Variants in VWA3A observed in about 807,000 individuals in gnomAD.
VWA3A encodes the protein von Willebrand factor A domain containing 3A.
VWA3A carries 134 observed loss-of-function variants against 160.4 expected under a neutral mutation model. The ratio of observed to expected loss-of-function variants is 0.84; its 90% CI spans 0.73 to 0.96. The LOEUF is 0.96. VWA3A is among the 40% of genes least tolerant of loss of function. The pLI is 0.00. For synonymous variants in VWA3A, 476 were observed against 543.4 expected (o/e 0.88, Z 1.72); for missense variants, 1,310 against 1,447.9 (o/e 0.90, Z 1.55).
At chr16:22,152,764 GATTAC>G in intron 31 of VWA3A, 130 bp downstream of exon 31, 1 of 1,385,888 alleles carries the variant, frequency 7.2e-7, no homozygotes, top group Non-Finnish European at 9.7e-7. Context: ...AAAATGTTGG[GATTAC>G]AGGCATGAGC....
chr16:22,093,525 G>A (rs1901414692), intron 1 of VWA3A, among the ~76,000 whole-genome samples: 2 of 152,156 alleles, frequency 1.3e-5, no homozygotes, highest in South Asian at 4.1e-4. Context: ...GGCACGCAGT[G>A]AGTGCTCTAT....
intron 18 of VWA3A, 83 bp from the exon 19 acceptor site, chr16:22,131,502 G>A (rs925915311): frequency 6.4e-7 from 1 of 1,572,292 alleles, no homozygotes; most frequent in African/African-American, 1.3e-5. Context: ...CGTCTGAGAT[G>A]GAAAAGGCTC....
At chr16:22,142,875 G>A (rs1466153000) in intron 25 of VWA3A, 110 bp downstream of exon 25, 4 of 818,092 alleles carry the variant, frequency 4.9e-6, no homozygotes, top group African/African-American at 3.4e-5. Flanking sequence ...AACAAGCCAG[G>A]CACAGTGACT....
At position 22,131,797 on chromosome 16, in the gene VWA3A, C is replaced by A. The variant is rs912457455; in HGVS notation, c.1872+68C>A. On this transcript the variant is annotated intron_variant, in intron 19 of 33. Transcript: ENST00000389398. ...TCATCCGTCTTCCCCCAGGTGGATA[C>A]CTTGCCAAGGTTTCTGCAGCATGAT... The A allele has an allele frequency of 3.3e-6, 5 of 1,535,024 alleles. No homozygotes were observed. In the South Asian group the frequency reaches 6.5e-5, roughly 20 times the overall value.
chr16:22,116,172 ACAAAGAAT>A (rs1249693321), intron 9 of VWA3A, among the ~76,000 whole-genome samples: 1 of 136,922 alleles, frequency 7.3e-6, no homozygotes, highest in African/African-American at 3.6e-5. Flanking sequence ...AAAGAAAGAA[ACAAAGAAT>A]GAAAGAAGGA....
intron 21 of VWA3A, among the ~76,000 whole-genome samples, chr16:22,137,725 G>A (rs752972749): frequency 6.6e-6 from 1 of 152,172 alleles, no homozygotes; most frequent in Non-Finnish European, 1.5e-5. Context: ...GGAGTCATGG[G>A]CAGGGGAGAT....
At position 22,156,223 on chromosome 16, in the gene VWA3A, G is replaced by C. The variant is rs139878669; in HGVS notation, c.*206G>C. ...TAATCTAACTCTCCAGCCCTGTCCC[G>C]CAGCGCACTCTACTCTCCAGCCACT... On this transcript the variant is annotated 3_prime_UTR_variant, in exon 34 of 34. Transcript: ENST00000389398. The C allele has an allele frequency of 8.8e-6, 3 of 342,512 alleles. No individual in the cohort carries two copies. The East Asian group carries it at 2.0e-4, about 23-fold the overall frequency. The allele number at this position is 342,512 out of a possible 1,614,324, so 21.2% of individuals were successfully genotyped here. A position where few individuals can be genotyped will look rare whatever the true frequency, so the allele number is the denominator to read the frequency against.
At chr16:22,154,846 C>T (rs1303232366) in intron 31 of VWA3A, among the ~76,000 whole-genome samples, 11 of 150,082 alleles carry the variant, frequency 7.3e-5, no homozygotes, top group African/African-American at 2.2e-4. Context: ...CCCAGCTGCT[C>T]GGGAGGCTGA....
chr16:22,145,789 A>G (rs925185182), intron 26 of VWA3A, among the ~76,000 whole-genome samples: 1 of 152,116 alleles, frequency 6.6e-6, no homozygotes, highest in Non-Finnish European at 1.5e-5. Context: ...CAAAAAAAAA[A>G]AATACACTTA....
intron 9 of VWA3A, 100 bp downstream of exon 9, chr16:22,115,572 C>A: frequency 7.4e-7 from 1 of 1,354,552 alleles, no homozygotes. Context: ...TGGCTCATGC[C>A]TGTAATCCCA....
intron 12 of VWA3A, among the ~76,000 whole-genome samples, chr16:22,119,281 G>A (rs1482481886): frequency 1.3e-5 from 2 of 152,188 alleles, no homozygotes; most frequent in East Asian, 1.9e-4. Context: ...AGACCAGCAG[G>A]CTCCTGCCAC....
At chr16:22,151,803 T>C (rs1417718259) in intron 30 of VWA3A, among the ~76,000 whole-genome samples, 1 of 151,778 alleles carries the variant, frequency 6.6e-6, no homozygotes, top group Non-Finnish European at 1.5e-5. Context: ...CAAAACAGAC[T>C]GCATAGGGAC....
intron 1 of VWA3A, among the ~76,000 whole-genome samples, chr16:22,094,170 G>A (rs1283639089): frequency 1.3e-5 from 2 of 152,128 alleles, no homozygotes; most frequent in Non-Finnish European, 2.9e-5. Context: ...ATCTAGCCAT[G>A]CAGTCCTCTG....
intron 12 of VWA3A, among the ~76,000 whole-genome samples, chr16:22,120,569 T>C (rs1367549706): frequency 6.6e-6 from 1 of 152,220 alleles, no homozygotes; most frequent in Non-Finnish European, 1.5e-5. Flanking sequence ...ACATTCGCTA[T>C]GTAATTTAAT....
At chr16:22,104,097 C>G (rs2045447619) in intron 6 of VWA3A, among the ~76,000 whole-genome samples, 1 of 152,180 alleles carries the variant, frequency 6.6e-6, no homozygotes, top group African/African-American at 2.4e-5. Context: ...GGGTGCTGGG[C>G]AGGTGAGAAT....
rs527632847 is a variant in VWA3A, at chr16:22,119,435, C to A, written c.1116+408C>A. Among the ~76,000 whole-genome samples, 3 of 152,332 alleles carry A rather than the reference C, an allele frequency of 2.0e-5. No homozygotes were observed. The South Asian group carries it at 6.2e-4, about 32-fold the overall frequency. On this transcript the variant is annotated intron_variant, in intron 12 of 33. Coordinates refer to ENST00000389398, the MANE Select transcript of VWA3A (RefSeq NM_173615.5). Reference sequence around the variant, plus strand: ...CCTGAAATCCCAGTGCTTTGGGAGGCCAAGGCCAGAGAATCGCTTGAGTCC... The same window carrying A: ...CCTGAAATCCCAGTGCTTTGGGAGGACAAGGCCAGAGAATCGCTTGAGTCC...
chr16:22,134,245 G>A, intron 20 of VWA3A, 123 bp from the exon 21 acceptor site: 1 of 721,582 alleles, frequency 1.4e-6, no homozygotes, highest in South Asian at 1.9e-5. Flanking sequence ...GGGATTACAG[G>A]AGTAAGCCAC....
chr16:22,117,248 TCTGGGCCAGGACCATA>T, intron 11 of VWA3A, 72 bp downstream of exon 11: 1 of 1,483,770 alleles, frequency 6.7e-7, no homozygotes, highest in Non-Finnish European at 9.2e-7. Context: ...ACCCAGGAGA[TCTGGGCCAGGACCATA>T]CTATATACTT....
chr16:22,118,973 G>A lies in VWA3A; in HGVS notation c.1062G>A (p.Val354=), dbSNP rs767285665. 1 of 1,613,870 alleles carries A rather than the reference G, an allele frequency of 6.2e-7. No homozygotes were observed. The highest frequency in any genetic ancestry group is 8.5e-7 in the Non-Finnish European group (1 of 1,179,838). ...AGGCCCAGAGCCTCCTCAGCCACGT[G>A]CAAGCCCTGCAGCACAGCAGCCCCT... The part of the protein sequence containing the change: ...IQKAQSLLSH[V]QALQHSSPCE... Residue 354 remains valine (V), a synonymous_variant, in exon 12 of 34, where the codon GTG becomes GTA. Transcript: ENST00000389398.
Sources: gnomAD v4.1 joint callset for allele counts (sites outside exome capture counted in the v4.1 genomes callset) on GRCh38, gnomAD v4.1.1 for gene constraint, MANE v1.5 for transcripts, NCBI Gene and HGNC (gene_info 2026-07-23, HGNC 2026-07-21) for gene names.